The following GDAP1 variants were observed in gnomAD, a reference collection of about 807,000 sequenced individuals.
GDAP1 encodes ganglioside-induced differentiation-associated protein 1.
A neutral mutation model predicts 40.1 loss-of-function variants in GDAP1; 34 were observed. That is an observed-to-expected ratio of 0.85 (90% CI 0.64 to 1.13). The LOEUF is 1.13. Ranked by LOEUF, GDAP1 falls within the 50% of genes most tolerant of loss-of-function variation. The pLI is 0.00. For synonymous variants in GDAP1, 170 were observed against 157.4 expected (o/e 1.08, Z -0.60); for missense variants, 374 against 433.7 (o/e 0.86, Z 1.22).
chr8:74,481,988 G>A (rs1806717156), intron 2 of GDAP1, among the ~76,000 whole-genome samples: 1 of 152,000 alleles, frequency 6.6e-6, no homozygotes, highest in Admixed American at 6.6e-5. Context: ...AGAGAAATCT[G>A]GTGTAATGGA....
intron 2 of GDAP1, among the ~76,000 whole-genome samples, chr8:74,436,353 G>T (rs1347913050): frequency 6.6e-6 from 1 of 152,068 alleles, no homozygotes; most frequent in Non-Finnish European, 1.5e-5. Context: ...AGAGCTCTTG[G>T]AGGAAGGCCA....
chr8:74,350,503 G>C lies in GDAP1; in HGVS notation c.42G>C (p.Leu14Phe). The C allele has an allele frequency of 6.2e-7, 1 of 1,613,168 alleles. No homozygotes were observed. The highest frequency in any genetic ancestry group is 8.5e-7 in the Non-Finnish European group (1 of 1,179,216). ...AAGAGCAGAGAGGGAGCCCGCCCTTGAGGGCGGAAGGCAAGGCCGACGCGG... is the reference window on the plus strand; with the variant it reads ...AAGAGCAGAGAGGGAGCCCGCCCTTCAGGGCGGAAGGCAAGGCCGACGCGG... ...RQEEQRGSPP[L>F]RAEGKADAEV... is the part of the protein sequence containing the mutation. Residue 14 changes from leucine (L) to phenylalanine (F), a missense_variant, in exon 1 of 6, where the codon TTG becomes TTC. By Grantham distance (22) the Leu-to-Phe change is conservative (BLOSUM62 0). Coordinates refer to ENST00000220822, the MANE Select transcript of GDAP1 (RefSeq NM_018972.4).
At position 74,364,009 on chromosome 8, in the gene GDAP1, G is replaced by C. The variant is rs121908115; in HGVS notation, c.719G>C (p.Cys240Ser). ...GAAGAGGGCCAGCAACCTTGGCTCTGCGGTGAATCCTTCACCCTGGCAGAC... is the reference window on the plus strand; with the variant it reads ...GAAGAGGGCCAGCAACCTTGGCTCTCCGGTGAATCCTTCACCCTGGCAGAC... ...TPEEGQQPWL[C>S]GESFTLADVS... Residue 240 changes from cysteine to serine, a missense_variant, in exon 6 of 6, where the codon TGC becomes TCC. Physicochemically the swap from Cys to Ser is moderately radical, Grantham distance 112 (BLOSUM62 -1). Transcript: ENST00000220822. 9 of 1,613,942 alleles carry C rather than the reference G, an allele frequency of 5.6e-6. No individual in the cohort carries two copies. Among genetic ancestry groups the C allele is most frequent in the Non-Finnish European group, 6.8e-6 (8 of 1,179,850 alleles).
chr8:74,374,282 T>G (rs995673653), intron 2 of GDAP1, among the ~76,000 whole-genome samples: 3 of 152,204 alleles, frequency 2.0e-5, no homozygotes, highest in Non-Finnish European at 2.9e-5. Context: ...AAAATGAGTT[T>G]GGGAGGATTC....
chr8:74,390,198 A>C (rs1219002985), intron 2 of GDAP1, among the ~76,000 whole-genome samples: 1 of 152,148 alleles, frequency 6.6e-6, no homozygotes, highest in Admixed American at 6.5e-5. Context: ...CATCAAACTC[A>C]TCCTCCATCC....
intron 2 of GDAP1, among the ~76,000 whole-genome samples, chr8:74,437,118 A>G (rs899929120): frequency 4.6e-5 from 7 of 152,226 alleles, no homozygotes; most frequent in African/African-American, 1.7e-4. Flanking sequence ...AATAACATCC[A>G]AATTATACGT....
chr8:74,400,566 C>A (rs554074744), intron 2 of GDAP1, among the ~76,000 whole-genome samples: 3 of 149,848 alleles, frequency 2.0e-5, no homozygotes, highest in Admixed American at 1.3e-4. Context: ...AAAGCTAATA[C>A]TGTTATGTGT....
chr8:74,481,384 C>T (rs1404099073), intron 2 of GDAP1, among the ~76,000 whole-genome samples: 1 of 152,222 alleles, frequency 6.6e-6, no homozygotes, highest in Non-Finnish European at 1.5e-5. Flanking sequence ...AGTATATAGA[C>T]AATATATCAT....
intron 2 of GDAP1, among the ~76,000 whole-genome samples, chr8:74,355,463 T>C (rs1809050708): frequency 6.6e-6 from 1 of 152,240 alleles, no homozygotes; most frequent in African/African-American, 2.4e-5. Context: ...TTTTATAGAC[T>C]CTTTCATGTA....
At chr8:74,425,644 T>A (rs1333102166) in intron 2 of GDAP1, among the ~76,000 whole-genome samples, 1 of 152,140 alleles carries the variant, frequency 6.6e-6, no homozygotes, top group Non-Finnish European at 1.5e-5. Context: ...AAAAGAAAGT[T>A]GAGTATTTTG....
chr8:74,484,950 A>G (rs951973988), intron 2 of GDAP1, among the ~76,000 whole-genome samples: 4 of 152,040 alleles, frequency 2.6e-5, no homozygotes, highest in Non-Finnish European at 5.9e-5. Flanking sequence ...CCATTGCCCA[A>G]AGTCTCTTTT....
chr8:74,466,527 A>G (rs1275490270), intron 2 of GDAP1, among the ~76,000 whole-genome samples: 1 of 152,206 alleles, frequency 6.6e-6, no homozygotes, highest in East Asian at 1.9e-4. Flanking sequence ...GGAGTGCTGC[A>G]TAGATATGTT....
In GDAP1 at chr8:74,412,080, T is replaced by C. The variant is rs957740254; in HGVS notation, c.165+60759T>C. Among the ~76,000 whole-genome samples the C allele has an allele frequency of 6.0e-5, 9 of 149,954 alleles. 1 individual carries two copies. Among genetic ancestry groups the C allele is most frequent in the African/African-American group, 2.3e-4 (9 of 39,278 alleles). ...TTGAGATAAAAGTTGGGACATTTTC[T>C]TAGCGATGTCATTCAAGATTCCTAC... On this transcript the variant is annotated intron_variant, in intron 2 of 2. Transcript: ENST00000523640.
intron 3 of GDAP1, among the ~76,000 whole-genome samples, chr8:74,361,532 G>A (rs1205656155): frequency 1.3e-5 from 2 of 152,104 alleles, no homozygotes; most frequent in South Asian, 2.1e-4. Flanking sequence ...GAGTAGCTGG[G>A]ATGACAGGCA....
chr8:74,353,186 C>G (rs971917624), intron 2 of GDAP1, among the ~76,000 whole-genome samples: 2 of 152,276 alleles, frequency 1.3e-5, no homozygotes, highest in South Asian at 4.1e-4. Context: ...ATGCTAAGTT[C>G]TTTTGATTAC....
In GDAP1 at chr8:74,365,702, A is replaced by G. The variant is rs548466089; in HGVS notation, c.*1335A>G. On this transcript the variant is annotated 3_prime_UTR_variant, in exon 6 of 6. Transcript: ENST00000220822. ...ACAATGACTTTTTGATGGCAAAATG[A>G]TTTTTTAATTCTATTTTGATGCTGT... The G allele has an allele frequency of 6.6e-6, 3 of 454,502 alleles. No individual in the cohort carries two copies. Among genetic ancestry groups the G allele is most frequent in the Non-Finnish European group, 1.3e-5 (3 of 226,784 alleles). The allele number at this position is 454,502 out of a possible 1,614,324, so 28.2% of individuals were successfully genotyped here.
intron 2 of GDAP1, chr8:74,488,610 T>C (rs1414991668): frequency 6.6e-6 from 1 of 152,196 alleles, no homozygotes; most frequent in East Asian, 1.9e-4. Flanking sequence ...AACTATATAA[T>C]TAAATGCTGA....
intron 2 of GDAP1, among the ~76,000 whole-genome samples, chr8:74,399,191 G>C (rs907265956): frequency 6.6e-6 from 1 of 150,568 alleles, no homozygotes; most frequent in Non-Finnish European, 1.5e-5. Flanking sequence ...GACTCTTTTT[G>C]GTTGGTAAGC....
intron 2 of GDAP1, among the ~76,000 whole-genome samples, chr8:74,400,631 C>T (rs1016059826): frequency 2.1e-4 from 31 of 150,030 alleles, no homozygotes; most frequent in Non-Finnish European, 3.5e-4. Flanking sequence ...TTAGTTGATG[C>T]AGTTTCTTCC....
Sources: gnomAD v4.1 joint callset for allele counts (sites outside exome capture counted in the v4.1 genomes callset) on GRCh38, gnomAD v4.1.1 for gene constraint, MANE v1.5 for transcripts, NCBI Gene and HGNC (gene_info 2026-07-23, HGNC 2026-07-21) for gene names.